Variants in SLC22A9 observed in about 807,000 individuals in gnomAD.
SLC22A9 encodes the protein solute carrier family 22 member 9, also known as organic anion transporter 7.
SLC22A9 carries 64 observed loss-of-function variants against 50.1 expected under a neutral mutation model. The observed-to-expected ratio is 1.28, with a 90% CI of 1.04 to 1.57. SLC22A9 has a LOEUF of 1.57. Among genes scored for constraint, SLC22A9 ranks in the 40% most tolerant of loss-of-function variants. The probability of loss-of-function intolerance (pLI) is 0.00; values close to 1 mark genes in which losing one functional copy is unlikely to be tolerated. For synonymous variants in SLC22A9, 261 were observed against 242.5 expected, an observed-to-expected ratio of 1.08 and a Z score of -0.71; for missense variants, 757 against 676.1, an observed-to-expected ratio of 1.12 and a Z score of -1.33.
At chr11:63,384,489 G>A (rs1235478230) in intron 6 of SLC22A9, among the ~76,000 whole-genome samples, 1 of 152,090 alleles carries the variant, frequency 6.6e-6, no homozygotes, top group Non-Finnish European at 1.5e-5. Context: ...TTTTATGGCT[G>A]CATAGTAGTT....
intron 4 of SLC22A9, among the ~76,000 whole-genome samples, chr11:63,374,546 C>T (rs1459203535): frequency 6.6e-6 from 1 of 152,050 alleles, no homozygotes; most frequent in African/African-American, 2.4e-5. Context: ...TTTTCATTTG[C>T]TAAAACCAGC....
chr11:63,398,026 C>A (rs143717131), intron 6 of SLC22A9, among the ~76,000 whole-genome samples: 1 of 152,260 alleles, frequency 6.6e-6, no homozygotes, highest in African/African-American at 2.4e-5. Context: ...AGAGTCTCAC[C>A]CAAGGCCAAT....
intron 2 of SLC22A9, 39 bp from the exon 3 acceptor site, chr11:63,373,605 G>A (rs765571795): frequency 1.4e-6 from 2 of 1,477,042 alleles, no homozygotes; most frequent in Admixed American, 5.1e-5. Flanking sequence ...TCCACTTGTT[G>A]TTATTGTTCC....
At chr11:63,389,631 G>A in intron 6 of SLC22A9, among the ~76,000 whole-genome samples, 1 of 152,138 alleles carries the variant, frequency 6.6e-6, no homozygotes, top group African/African-American at 2.4e-5. Flanking sequence ...AAATAGTGCT[G>A]CGATAAACAT....
Position 63,406,513 on chromosome 11 carries a change from G to A in SLC22A9, c.1090G>A (p.Ala364Thr). 1 of 1,613,464 alleles carries A rather than the reference G, an allele frequency of 6.2e-7. No individual in the cohort carries two copies. Among genetic ancestry groups the A allele is most frequent in the Non-Finnish European group, 8.5e-7 (1 of 1,179,634 alleles). The change falls in exon 7 of 10, where the codon GCC (alanine) becomes ACC (threonine). Residue 364 changes from alanine (A) to threonine (T), a missense_variant. Physicochemically the swap from Ala to Thr is moderately conservative, Grantham distance 58. Coordinates refer to ENST00000279178, the MANE Select transcript of SLC22A9 (RefSeq NM_080866.3). ...TCATCACAGATTTGCAAACTTTATG[G>A]CCTATTTTGGCCTTAATCTCCATGT... ...LSFTRFANFM[A>T]YFGLNLHVQH... is the part of the protein sequence containing the mutation.
At chr11:63,374,216 C>A (rs997576730) in intron 4 of SLC22A9, among the ~76,000 whole-genome samples, 154 bp downstream of exon 4, 1 of 152,138 alleles carries the variant, frequency 6.6e-6, no homozygotes, top group Non-Finnish European at 1.5e-5. Flanking sequence ...AAGCAGAACA[C>A]ATAGAGTTTC....
intron 6 of SLC22A9, among the ~76,000 whole-genome samples, chr11:63,400,155 C>T (rs1008079075): frequency 1.3e-5 from 2 of 151,702 alleles, no homozygotes; most frequent in African/African-American, 4.8e-5. Flanking sequence ...CCAAAATTAG[C>T]AGCAGGAAAG....
rs1228373412 is a variant in SLC22A9, at chr11:63,406,485, T to C, written c.1074-12T>C. On this transcript the variant is annotated splice_polypyrimidine_tract_variant and intron_variant, in intron 6 of 9. Coordinates refer to ENST00000279178, the MANE Select transcript of SLC22A9 (RefSeq NM_080866.3). ...GATTATAATATGTTTCTTTCCTTTT[T>C]AATCATCACAGATTTGCAAACTTTA... is the stretch of plus-strand genomic sequence containing the variant. 1 of 1,608,894 alleles carries C rather than the reference T, an allele frequency of 6.2e-7. No individual in the cohort carries two copies. Among genetic ancestry groups the C allele is most frequent in the Non-Finnish European group, 8.5e-7 (1 of 1,175,632 alleles).
At chr11:63,376,213 A>T (rs2014458788) in intron 5 of SLC22A9, among the ~76,000 whole-genome samples, 1 of 152,082 alleles carries the variant, frequency 6.6e-6, no homozygotes, top group Non-Finnish European at 1.5e-5. Flanking sequence ...TCCATTTATG[A>T]TACATTTAGT....
chr11:63,376,910 A>G (rs1276838322), intron 5 of SLC22A9, among the ~76,000 whole-genome samples: 1 of 152,090 alleles, frequency 6.6e-6, no homozygotes, highest in African/African-American at 2.4e-5. Flanking sequence ...TTCTAATTTC[A>G]GATAAAACAG....
At position 63,408,291 on chromosome 11, in the gene SLC22A9, G is replaced by C. The variant is rs2015075456; in HGVS notation, c.1397+71G>C. 6.6e-6 allele frequency: 8 copies of C among 1,210,426 alleles called. No individual in the cohort carries two copies. In the African/African-American group the frequency reaches 8.9e-5, roughly 14 times the overall value. 75.0% of individuals were successfully genotyped at this position (1,210,426 alleles called of 1,614,324 possible). A position where few individuals can be genotyped will look rare whatever the true frequency, so the allele number is the denominator to read the frequency against. On this transcript the variant is annotated intron_variant, in intron 8 of 9. Coordinates refer to ENST00000279178, the MANE Select transcript of SLC22A9 (RefSeq NM_080866.3). ...CTCAGATAATTGACACTTTTTGCGG[G>C]AAGAAATCTAAGACTGGTTCATTAA...
chr11:63,407,979 C>A, intron 7 of SLC22A9, 133 bp from the exon 8 acceptor site: 1 of 627,948 alleles, frequency 1.6e-6, no homozygotes, highest in South Asian at 2.2e-5. Context: ...ACATTCTTTG[C>A]CTCTATGCAG....
chr11:63,394,333 G>A (rs971877618), intron 6 of SLC22A9, among the ~76,000 whole-genome samples: 1 of 151,554 alleles, frequency 6.6e-6, no homozygotes, highest in Non-Finnish European at 1.5e-5. Flanking sequence ...GTGAGATTTA[G>A]GCTTTAAAGA....
intron 4 of SLC22A9, 37 bp from the exon 5 acceptor site, chr11:63,375,608 G>A: frequency 6.3e-7 from 1 of 1,598,410 alleles, no homozygotes; most frequent in Non-Finnish European, 8.5e-7. Context: ...ATGAGGAAGT[G>A]AAAGTCGACT....
chr11:63,393,201 G>T (rs566621375), intron 6 of SLC22A9, among the ~76,000 whole-genome samples: 1 of 152,032 alleles, frequency 6.6e-6, no homozygotes, highest in African/African-American at 2.4e-5. Flanking sequence ...GGGGTCTTTT[G>T]TCTCCTTGGT....
intron 8 of SLC22A9, among the ~76,000 whole-genome samples, 184 bp downstream of exon 8, chr11:63,408,404 G>A (rs1206579336): frequency 6.6e-6 from 1 of 152,122 alleles, no homozygotes; most frequent in Non-Finnish European, 1.5e-5. Flanking sequence ...TAAGTCCTTT[G>A]ATGTATTATA....
At chr11:63,390,624 A>T (rs374604957) in intron 6 of SLC22A9, among the ~76,000 whole-genome samples, 91 of 152,252 alleles carry the variant, frequency 6.0e-4, no homozygotes, top group Admixed American at 1.6e-3. Flanking sequence ...GCCAGGTAGC[A>T]TGATGTCTCC....
At chr11:63,389,141 ATTTAT>A (rs1443156391) in intron 6 of SLC22A9, among the ~76,000 whole-genome samples, 3 of 151,348 alleles carry the variant, frequency 2.0e-5, no homozygotes, top group Non-Finnish European at 2.9e-5. Context: ...GTATTGTGTT[ATTTAT>A]TTTATTTTAA....
chr11:63,377,187 G>C (rs1250571399), intron 5 of SLC22A9, among the ~76,000 whole-genome samples: 1 of 151,986 alleles, frequency 6.6e-6, no homozygotes, highest in Non-Finnish European at 1.5e-5. Context: ...CTCAACACTT[G>C]ACCAAATGGA....
Sources: gnomAD v4.1 joint callset for allele counts (sites outside exome capture counted in the v4.1 genomes callset) on GRCh38, gnomAD v4.1.1 for gene constraint, MANE v1.5 for transcripts, NCBI Gene and HGNC (gene_info 2026-07-23, HGNC 2026-07-21) for gene names.